The following PSMD2 variants were observed in gnomAD, a reference collection of about 807,000 sequenced individuals.
PSMD2 encodes 26S proteasome non-ATPase regulatory subunit 2.
PSMD2 carries 8 observed loss-of-function variants against 101.5 expected under a neutral mutation model. The ratio of observed to expected loss-of-function variants is 0.08; its 90% CI spans 0.05 to 0.14. PSMD2 has a LOEUF of 0.14. Ranked by LOEUF, PSMD2 falls within the 10% of genes least tolerant of loss-of-function variation. The pLI is 1.00. For missense variants in PSMD2, 784 were observed against 1,147.4 expected (o/e 0.68, Z 4.58); for synonymous variants, 418 against 433.8 (o/e 0.96, Z 0.45).
intron 3 of PSMD2, 136 bp downstream of exon 3, chr3:184,300,580 C>G (rs905107816): frequency 1.4e-6 from 2 of 1,440,768 alleles, no homozygotes; most frequent in Non-Finnish European, 1.8e-6. Context: ...TCATCACAGT[C>G]AAAATATCTA....
intron 10 of PSMD2, 57 bp from the exon 11 acceptor site, chr3:184,303,890 C>T: frequency 6.2e-7 from 1 of 1,613,426 alleles, no homozygotes; most frequent in Admixed American, 1.7e-5. Flanking sequence ...CATGTTGCAT[C>T]CTTTGCGGTG....
At chr3:184,303,909 A>G in intron 10 of PSMD2, 38 bp from the exon 11 acceptor site, 1 of 1,613,940 alleles carries the variant, frequency 6.2e-7, no homozygotes, top group South Asian at 1.1e-5. Flanking sequence ...TGAGGAAGAT[A>G]GAGTATCCTG....
intron 15 of PSMD2, 81 bp downstream of exon 15, chr3:184,306,576 T>G: frequency 6.4e-7 from 1 of 1,560,574 alleles, no homozygotes; most frequent in Non-Finnish European, 8.6e-7. Context: ...GGTTTTTGCT[T>G]TAGGGCCTCT....
chr3:184,302,081 C>A lies in PSMD2; in HGVS notation c.704+10C>A, dbSNP rs1721664342. The A allele has an allele frequency of 6.2e-7, 1 of 1,612,780 alleles. No individual in the cohort carries two copies. The highest frequency in any genetic ancestry group is 1.3e-5 in the African/African-American group (1 of 74,928). On this transcript the variant is annotated intron_variant, in intron 5 of 20. Transcript: ENST00000310118. ...GCCTTTATCTCACCAGGTGAGTGAA[C>A]ATGGTAGGGAAGGGTGGCAGGCATG...
chr3:184,308,083 C>G lies in PSMD2; in HGVS notation c.2425+67C>G, dbSNP rs1721895301. ...TCTGACTCCACCCTTTCCAGGGCCA[C>G]TTTGATAATTTAGGTTCAAGACCCC... On this transcript the variant is annotated intron_variant, in intron 19 of 20. Transcript: ENST00000310118. This position sits in a 1 kb window ranked among gnomAD's most constrained non-coding sequence, Gnocchi z 6.0. The G allele has an allele frequency of 6.3e-7, 1 of 1,588,266 alleles. No individual in the cohort carries two copies. The highest frequency in any genetic ancestry group is 8.6e-7 in the Non-Finnish European group (1 of 1,168,028).
chr3:184,304,211 G>A lies in PSMD2; in HGVS notation c.1452-93G>A. 6.4e-7 allele frequency: 1 copy of A among 1,555,166 alleles called. No individual in the cohort carries two copies. The highest frequency in any genetic ancestry group is 1.7e-5 in the Admixed American group (1 of 59,832). On this transcript the variant is annotated intron_variant, in intron 11 of 20. Transcript: ENST00000310118. This position sits in a 1 kb window ranked among gnomAD's most constrained non-coding sequence, Gnocchi z 4.1. ...ATCTGGCTCTTGGTGAATGTTTGTT[G>A]AAATGGTGAATGAATGACCGATTCT...
chr3:184,306,402 C>T lies in PSMD2; in HGVS notation c.1857C>T (p.His619=), dbSNP rs1577159946. The T allele has an allele frequency of 6.2e-7, 1 of 1,614,140 alleles. No individual in the cohort carries two copies. The highest frequency in any genetic ancestry group is 2.2e-5 in the East Asian group (1 of 44,874). ...VQQLLHICSE[H]FDSKEKEEDK... ...AGCTGCTCCACATTTGTAGCGAACA[C>T]TTTGACTCCAAAGAGAAGGAGGAAG... The change falls in exon 15 of 21, where the codon CAC becomes CAT. Residue 619 remains histidine, a synonymous_variant. Transcript: ENST00000310118.
chr3:184,306,650 T>C, intron 15 of PSMD2, 101 bp from the exon 16 acceptor site: 1 of 1,515,066 alleles, frequency 6.6e-7, no homozygotes, highest in African/African-American at 1.4e-5. Flanking sequence ...GTAAAGGTGT[T>C]CCCCACAGGA....
rs750531604 is a variant in PSMD2, at chr3:184,302,508, C to T, written c.843C>T (p.Ile281=). The T allele has an allele frequency of 1.9e-6, 3 of 1,613,984 alleles. No individual in the cohort carries two copies. The highest frequency in any genetic ancestry group is 8.5e-7 in the Non-Finnish European group (1 of 1,180,024). Residue 281 remains isoleucine, a synonymous_variant, in exon 6 of 21, where the codon ATC becomes ATT. Coordinates refer to ENST00000310118, the MANE Select transcript of PSMD2 (RefSeq NM_002808.5). ...ATGACATGGAGTTGGTAGAAGACAT[C>T]TTCACCTCCTGCAAGGATGTGTATG... The part of the protein sequence containing the change: ...MLNDMELVED[I]FTSCKDVVVQ...
rs1721919813 is a variant in PSMD2, at chr3:184,308,474, A to G, written c.2451A>G (p.Val817=). The G allele has an allele frequency of 1.9e-6, 3 of 1,611,620 alleles. No homozygotes were observed. In the African/African-American group the frequency reaches 4.0e-5, roughly 22 times the overall value. ...RNIILGKSHY[V]LYGLVAAMQP... ...TTATTCTAGGCAAATCACACTATGT[A>G]TTGTATGGGCTGGTGGCTGCCATGC... Residue 817 remains valine (V), a synonymous_variant, in exon 20 of 21, where the codon GTA becomes GTG. Coordinates refer to ENST00000310118, the MANE Select transcript of PSMD2 (RefSeq NM_002808.5). This position sits in a 1 kb window ranked among gnomAD's most constrained non-coding sequence, Gnocchi z 6.0.
chr3:184,306,900 T>C, intron 16 of PSMD2, 66 bp downstream of exon 16: 1 of 1,280,500 alleles, frequency 7.8e-7, no homozygotes, highest in Non-Finnish European at 1.1e-6. Context: ...CCAGGGAAGA[T>C]TTTTCTGATG....
At position 184,301,961 on chromosome 3, in the gene PSMD2, C is replaced by T. The variant is rs1721658714; in HGVS notation, c.594C>T (p.His198=). ...AAATCGTCCCCTATAACATGGCCCA[C>T]AATGCAGAGCATGAGGCTTGCGACC... ...VKEIVPYNMA[H]NAEHEACDLL... Residue 198 remains histidine (H), a synonymous_variant, in exon 5 of 21, where the codon CAC becomes CAT. Coordinates refer to ENST00000310118, the MANE Select transcript of PSMD2 (RefSeq NM_002808.5). The T allele has an allele frequency of 1.9e-6, 3 of 1,614,198 alleles. No individual in the cohort carries two copies. The African/African-American group carries it at 4.0e-5, about 22-fold the overall frequency.
Position 184,308,317 on chromosome 3 carries a change from T to C in PSMD2, c.2426-132T>C. ...GGCGTCTCTGGTTCGTAGTAGGGTG[T>C]ATGAGGGGAGGAGTGTGGATTCAGT... is the stretch of plus-strand genomic sequence containing the variant. On this transcript the variant is annotated intron_variant, in intron 19 of 20. Coordinates refer to ENST00000310118, the MANE Select transcript of PSMD2 (RefSeq NM_002808.5). The surrounding 1 kb of genome is among the most constrained non-coding windows in gnomAD (Gnocchi z 6.0). 1.2e-6 allele frequency: 1 copy of C among 837,928 alleles called. No homozygotes were observed. The highest frequency in any genetic ancestry group is 1.9e-6 in the Non-Finnish European group (1 of 528,196). 51.9% of individuals were successfully genotyped at this position (837,928 alleles called of 1,614,324 possible).
chr3:184,299,730 T>C, intron 1 of PSMD2, 121 bp from the exon 2 acceptor site: 5 of 824,702 alleles, frequency 6.1e-6, no homozygotes, highest in Non-Finnish European at 1.0e-5. Context: ...CCCACTCGGT[T>C]TCCTTGTCCA....
chr3:184,306,934 C>G, intron 16 of PSMD2, 100 bp downstream of exon 16: 2 of 924,770 alleles, frequency 2.2e-6, no homozygotes, highest in Non-Finnish European at 3.3e-6. Context: ...GAGAGCTGGT[C>G]TTTTTGCTGT....
chr3:184,302,208 T>C, intron 5 of PSMD2, 137 bp downstream of exon 5: 1 of 1,196,006 alleles, frequency 8.4e-7, no homozygotes. Flanking sequence ...TGTGTGTGAG[T>C]TTCTTGAGGA....
At chr3:184,307,207 T>C (rs1721861992) in intron 16 of PSMD2, 150 bp from the exon 17 acceptor site, 1 of 809,702 alleles carries the variant, frequency 1.2e-6, no homozygotes. Context: ...CCTCCCAAAG[T>C]GCTGGGATTA....
rs11545182 is a variant in PSMD2, at chr3:184,302,414, G to C, written c.749G>C (p.Arg250Pro). The C allele has an allele frequency of 6.2e-7, 1 of 1,614,184 alleles. No individual in the cohort carries two copies. The highest frequency in any genetic ancestry group is 1.1e-5 in the South Asian group (1 of 91,084). ...VPEPENSALL[R>P]CALGVFRKFS... is the part of the protein sequence containing the mutation. The stretch of plus-strand genomic sequence containing the variant: ...GAGCCTGAGAACTCAGCCCTACTGC[G>C]TTGTGCCCTGGGTGTGTTCCGAAAG... The change falls in exon 6 of 21, where the codon CGT becomes CCT. Residue 250 changes from arginine (R) to proline (P), a missense_variant. Around this residue, in one of 6 missense-constraint regions of PSMD2, gnomAD observed 208 missense variants for 301.6 expected, o/e 0.69. Coordinates refer to ENST00000310118, the MANE Select transcript of PSMD2 (RefSeq NM_002808.5).
chr3:184,301,585 G>C lies in PSMD2; in HGVS notation c.406G>C (p.Glu136Gln), dbSNP rs1218936707. 6.2e-6 allele frequency: 10 copies of C among 1,614,092 alleles called. No homozygotes were observed. The highest frequency in any genetic ancestry group is 7.6e-6 in the Non-Finnish European group (9 of 1,179,984). Residue 136 changes from glutamate to glutamine, a missense_variant, in exon 4 of 21, where the codon GAG (glutamate) becomes CAG (glutamine). Glu to Gln is a conservative substitution (Grantham distance 29, BLOSUM62 2). Coordinates refer to ENST00000310118, the MANE Select transcript of PSMD2 (RefSeq NM_002808.5). The stretch of plus-strand genomic sequence containing the variant: ...CGTTTTGGCCATGACCATGAGTGGG[G>C]AGCGTGAGTGCCTCAAGTATCGGCT... The part of the protein sequence containing the change: ...ISVLAMTMSG[E>Q]RECLKYRLVG...
Sources: allele counts gnomAD v4.1 joint callset, GRCh38; gene constraint gnomAD v4.1.1; regional missense constraint gnomAD v4.1.1; non-coding constraint Gnocchi (gnomAD v3.1); transcripts MANE v1.5; gene names NCBI Gene and HGNC (gene_info 2026-07-23, HGNC 2026-07-21).